The following ATP8A2 variants were observed in gnomAD, a reference collection of about 807,000 sequenced individuals.
ATP8A2 encodes the protein ATPase phospholipid transporting 8A2.
ATP8A2 carries 100 observed loss-of-function variants against 165.6 expected under a neutral mutation model. That is an observed-to-expected ratio of 0.60 (90% CI 0.51 to 0.71). The LOEUF is 0.71. Ranked by LOEUF, ATP8A2 falls within the 30% of genes least tolerant of loss-of-function variation. The pLI is 0.00. For synonymous variants in ATP8A2, 543 were observed against 548.8 expected (o/e 0.99, Z 0.15); for missense variants, 1,227 against 1,479.5 (o/e 0.83, Z 2.80).
At chr13:25,960,426 G>GC (rs1955633330) in intron 33 of ATP8A2, among the ~76,000 whole-genome samples, 1 of 152,120 alleles carries the variant, frequency 6.6e-6, no homozygotes, top group African/African-American at 2.4e-5. Context: ...TGTGCCTCAG[G>GC]CCCTCTGCTC....
intron 24 of ATP8A2, among the ~76,000 whole-genome samples, chr13:25,686,165 G>T (rs1312442925): frequency 2.6e-5 from 4 of 152,194 alleles, no homozygotes; most frequent in Non-Finnish European, 5.9e-5. Context: ...GCTTGGGAGG[G>T]AGGGAACCAG....
At chr13:25,823,832 C>T (rs1047356463) in intron 27 of ATP8A2, among the ~76,000 whole-genome samples, 6 of 152,104 alleles carry the variant, frequency 3.9e-5, no homozygotes, top group Non-Finnish European at 7.4e-5. Flanking sequence ...TATCTTTGAA[C>T]ATTTTTTTAA....
chr13:25,756,621 C>T (rs1043700952), intron 25 of ATP8A2, among the ~76,000 whole-genome samples: 1 of 152,178 alleles, frequency 6.6e-6, no homozygotes, highest in Non-Finnish European at 1.5e-5. Flanking sequence ...GTTGTGACCT[C>T]GGGCATACTG....
intron 24 of ATP8A2, among the ~76,000 whole-genome samples, chr13:25,594,986 A>G (rs773338072): frequency 3.3e-3 from 79 of 23,880 alleles, no homozygotes; most frequent in Admixed American, 6.9e-3. Flanking sequence ...GTGTGTGTGT[A>G]TATATATATA....
intron 24 of ATP8A2, among the ~76,000 whole-genome samples, chr13:25,612,456 T>C (rs988929280): frequency 6.6e-6 from 1 of 152,318 alleles, no homozygotes; most frequent in Middle Eastern, 3.4e-3. Context: ...AGGGTTCCTT[T>C]TGAAGTTGAC....
At chr13:25,811,757 T>C (rs1204039464) in intron 27 of ATP8A2, among the ~76,000 whole-genome samples, 1 of 152,146 alleles carries the variant, frequency 6.6e-6, no homozygotes, top group African/African-American at 2.4e-5. Flanking sequence ...GCTACTCAGA[T>C]AGCTGAAGCA....
At position 25,953,467 on chromosome 13, in the gene ATP8A2, G is replaced by A. The variant is rs185516439; in HGVS notation, c.3184-8108G>A. Among the ~76,000 whole-genome samples the A allele has an allele frequency of 9.3e-4, 133 of 142,436 alleles. No homozygotes were observed. The highest frequency in any genetic ancestry group is 2.0e-3 in the Admixed American group (27 of 13,306). 93.4% of individuals were successfully genotyped at this position (142,436 alleles called of 152,430 possible). ...CTTTATTACATCTTTTCAAATCCAC[G>A]CCACATTGGGGAACACAAACTGACC... On this transcript the variant is annotated intron_variant, in intron 33 of 36. Transcript: ENST00000381655. The surrounding 1 kb of genome is among the most constrained non-coding windows in gnomAD (Gnocchi z 6.7).
chr13:25,503,100 G>T (rs1194477353), intron 2 of ATP8A2, among the ~76,000 whole-genome samples: 1 of 152,072 alleles, frequency 6.6e-6, no homozygotes, highest in East Asian at 1.9e-4. Flanking sequence ...GGGTGGAAAC[G>T]CCTCTCTGAT....
intron 24 of ATP8A2, among the ~76,000 whole-genome samples, chr13:25,601,686 T>A (rs2040391281): frequency 6.6e-6 from 1 of 152,164 alleles, no homozygotes; most frequent in Non-Finnish European, 1.5e-5. Flanking sequence ...GTTGGCCAGT[T>A]GCTGTCGAAC....
At chr13:25,807,950 AT>A (rs1287249374) in intron 27 of ATP8A2, among the ~76,000 whole-genome samples, 1 of 152,156 alleles carries the variant, frequency 6.6e-6, no homozygotes, top group Non-Finnish European at 1.5e-5. Flanking sequence ...CATTTACTGC[AT>A]CTGATACTGA....
intron 1 of ATP8A2, among the ~76,000 whole-genome samples, chr13:25,419,635 GT>G (rs1190344021): frequency 1.5e-5 from 2 of 132,240 alleles, no homozygotes; most frequent in African/African-American, 5.1e-5. Context: ...CAGCAGTGAG[GT>G]TTTTATTTGT....
chr13:25,620,882 G>A (rs1316274813), intron 24 of ATP8A2, among the ~76,000 whole-genome samples: 1 of 152,166 alleles, frequency 6.6e-6, no homozygotes, highest in Non-Finnish European at 1.5e-5. Context: ...CTGCTTTTTA[G>A]TAAAATTGTA....
rs151082825 is a variant in ATP8A2 at position 25,838,227 on chromosome 13, G to A, written c.2877+942G>A. 1.1e-3 allele frequency among the ~76,000 whole-genome samples: 160 copies of A among 152,326 alleles called. 1 individual carries two copies. The highest frequency in any genetic ancestry group is 3.4e-3 in the African/African-American group (143 of 41,572). Reference sequence around the variant, plus strand: ...GTCACCTCTCCAGGCCTCAAGGAGAGAACAGTCTCCCAGGGCCTTTCTTCT... The same window carrying A: ...GTCACCTCTCCAGGCCTCAAGGAGAAAACAGTCTCCCAGGGCCTTTCTTCT... On this transcript the variant is annotated intron_variant, in intron 29 of 36. Coordinates refer to ENST00000381655, the MANE Select transcript of ATP8A2 (RefSeq NM_016529.6).
At position 25,562,556 on chromosome 13, in the gene ATP8A2, TG is replaced by T. The variant is rs923109583; in HGVS notation, c.1398-1399del. On this transcript the variant is annotated intron_variant, in intron 15 of 36. Coordinates refer to ENST00000381655, the MANE Select transcript of ATP8A2 (RefSeq NM_016529.6). ...GATGTCAGTGTCTATGGGTCTTTCT[TG>T]TCAGCTGTTCAGCTTTCTTTTCATA... is the stretch of plus-strand genomic sequence containing the variant. Among the ~76,000 whole-genome samples, 7 of 152,348 alleles carry T rather than the reference TG, an allele frequency of 4.6e-5. 1 individual carries two copies. Among genetic ancestry groups the T allele is most frequent in the Admixed American group, 2.6e-4 (4 of 15,302 alleles).
intron 24 of ATP8A2, among the ~76,000 whole-genome samples, chr13:25,625,043 C>G (rs4073364): frequency 0.83 from 126,111 of 152,148 alleles, 53,253 homozygotes; most frequent in African/African-American, 0.91. Flanking sequence ...TCAATTTTAT[C>G]TAGTCACATT....
intron 33 of ATP8A2, among the ~76,000 whole-genome samples, chr13:25,869,063 C>T (rs1222367879): frequency 5.8e-5 from 6 of 103,024 alleles, no homozygotes; most frequent in Admixed American, 1.1e-4. Context: ...AGCGAGACTC[C>T]GTCTCAAAAA....
At chr13:25,494,456 C>T (rs28722133) in intron 2 of ATP8A2, among the ~76,000 whole-genome samples, 19,370 of 152,092 alleles carry the variant, frequency 0.13, 1,428 homozygotes, top group Non-Finnish European at 0.18. Flanking sequence ...GGAACAAAGC[C>T]ATGCTGCAAA....
At chr13:25,954,232 A>C (rs1316488150) in intron 33 of ATP8A2, among the ~76,000 whole-genome samples, 1 of 152,222 alleles carries the variant, frequency 6.6e-6, no homozygotes, top group Non-Finnish European at 1.5e-5. Context: ...GTGTAAACAA[A>C]GCCACCAGGA....
At chr13:25,972,841 G>A (rs755327999) in intron 35 of ATP8A2, among the ~76,000 whole-genome samples, 26 of 152,052 alleles carry the variant, frequency 1.7e-4, no homozygotes, top group Non-Finnish European at 2.8e-4. Flanking sequence ...CGATGACGGC[G>A]TGTAAGATGA....
Sources: gnomAD v4.1 joint callset for allele counts (sites outside exome capture counted in the v4.1 genomes callset) on GRCh38, gnomAD v4.1.1 for gene constraint, Gnocchi (gnomAD v3.1) non-coding constraint, MANE v1.5 for transcripts, NCBI Gene and HGNC (gene_info 2026-07-23, HGNC 2026-07-21) for gene names.